MLLT3: variants seen among roughly 807,000 people sequenced by gnomAD.
The protein encoded by MLLT3 is MLLT3 super elongation complex subunit.
Under a neutral mutation model 53.2 loss-of-function variants are expected in MLLT3, and 4 were observed. The observed-to-expected ratio is 0.08, with a 90% confidence interval of 0.04 to 0.17. The LOEUF is 0.17. MLLT3 is among the 10% of genes least tolerant of loss of function. The probability of loss-of-function intolerance (pLI) is 1.00; values close to 1 mark genes in which losing one functional copy is unlikely to be tolerated. For missense variants in MLLT3, 569 were observed against 684.0 expected, an observed-to-expected ratio of 0.83 and a Z score of 1.87; for synonymous variants, 283 against 230.6, an observed-to-expected ratio of 1.23 and a Z score of -2.06.
intron 2 of MLLT3, among the ~76,000 whole-genome samples, chr9:20,469,293 A>T (rs1390409657): frequency 6.6e-6 from 1 of 152,180 alleles, no homozygotes; most frequent in African/African-American, 2.4e-5. Context: ...GAGAAATATC[A>T]TGCCTTTAAA....
chr9:20,549,519 C>G (rs1257486632), intron 2 of MLLT3, among the ~76,000 whole-genome samples: 1 of 152,136 alleles, frequency 6.6e-6, no homozygotes, highest in African/African-American at 2.4e-5. Context: ...TTAATCTGCC[C>G]AACAACTCTA....
intron 2 of MLLT3, among the ~76,000 whole-genome samples, chr9:20,506,175 C>A (rs1825375768): frequency 6.6e-6 from 1 of 151,996 alleles, no homozygotes; most frequent in Non-Finnish European, 1.5e-5. Context: ...CTGTCTCAGT[C>A]CCCCAAGTAG....
At chr9:20,429,113 T>C (rs1316072772) in intron 4 of MLLT3, among the ~76,000 whole-genome samples, 1 of 152,132 alleles carries the variant, frequency 6.6e-6, no homozygotes, top group African/African-American at 2.4e-5. Context: ...CTGTAATCCC[T>C]GTGGTTTTAG....
At chr9:20,366,423 T>G (rs1439479869) in intron 5 of MLLT3, among the ~76,000 whole-genome samples, 1 of 152,064 alleles carries the variant, frequency 6.6e-6, no homozygotes. Context: ...ATGTGCCACA[T>G]GTTCTTTATC....
At chr9:20,533,112 GA>G in intron 2 of MLLT3, 1 of 256,400 alleles carries the variant, frequency 3.9e-6, no homozygotes, top group Non-Finnish European at 7.8e-6. Flanking sequence ...TTACCAAGGA[GA>G]AGGCAAGTCT....
chr9:20,562,469 T>C (rs1184528389), intron 2 of MLLT3, among the ~76,000 whole-genome samples: 1 of 152,108 alleles, frequency 6.6e-6, no homozygotes, highest in Non-Finnish European at 1.5e-5. Context: ...CAGATTTTAA[T>C]AAACTACTTC....
chr9:20,384,490 C>G (rs1298116974), intron 5 of MLLT3, among the ~76,000 whole-genome samples: 1 of 152,074 alleles, frequency 6.6e-6, no homozygotes, highest in Non-Finnish European at 1.5e-5. Context: ...TTAATGTACT[C>G]ATTTCCTAAG....
At chr9:20,494,859 T>A (rs1006909287) in intron 2 of MLLT3, among the ~76,000 whole-genome samples, 89 of 152,302 alleles carry the variant, frequency 5.8e-4, no homozygotes, top group African/African-American at 1.9e-3. Context: ...TTTTATTAAT[T>A]TTACAGGTAC....
At position 20,534,730 on chromosome 9, in the gene MLLT3, C is replaced by CA. The variant is rs572752915; in HGVS notation, c.194-77945dup. Among the ~76,000 whole-genome samples, 368 of 151,896 alleles carry CA rather than the reference C, an allele frequency of 2.4e-3. 1 individual carries two copies. Among genetic ancestry groups the CA allele is most frequent in the African/African-American group, 8.4e-3 (349 of 41,444 alleles). ...TGAAACCCTGTCTCTACTAAAAATA[C>CA]AAAAAATTAGCTGGGCGTGGTGGCA... On this transcript the variant is annotated intron_variant, in intron 2 of 10. Transcript: ENST00000380338.
In MLLT3 at chr9:20,467,035, T is replaced by G. The variant is rs148931874; in HGVS notation, c.194-10249A>C. ...AGAGTATATATGAAACATTCCACAG[T>G]AGAGCAACTGAATTAGGTATTTCTT... On this transcript the variant is annotated intron_variant, in intron 2 of 10. Transcript: ENST00000380338. 7.0e-4 allele frequency among the ~76,000 whole-genome samples: 106 copies of G among 152,276 alleles called. 1 individual carries two copies. The highest frequency in any genetic ancestry group is 6.8e-3 in the Middle Eastern group (2 of 294).
chr9:20,446,682 G>A (rs1455757847), intron 4 of MLLT3, among the ~76,000 whole-genome samples: 1 of 152,102 alleles, frequency 6.6e-6, no homozygotes, highest in Non-Finnish European at 1.5e-5. Flanking sequence ...ATTTTAAATG[G>A]ACCAGTTAGT....
At chr9:20,352,901 G>A (rs765062485) in intron 10 of MLLT3, among the ~76,000 whole-genome samples, 9 of 152,146 alleles carry the variant, frequency 5.9e-5, no homozygotes, top group Middle Eastern at 3.4e-3. Flanking sequence ...TGCTGGTAGT[G>A]CAACAGAGGC....
chr9:20,367,114 C>T (rs986127967), intron 5 of MLLT3, among the ~76,000 whole-genome samples: 4 of 152,144 alleles, frequency 2.6e-5, no homozygotes, highest in African/African-American at 9.7e-5. Context: ...TTTGTAAATT[C>T]TCTTTAATTC....
intron 2 of MLLT3, among the ~76,000 whole-genome samples, chr9:20,614,088 T>C (rs1820765196): frequency 2.0e-5 from 3 of 152,232 alleles, no homozygotes; most frequent in Non-Finnish European, 4.4e-5. Context: ...CTGTGCTTTA[T>C]CTCCAGCTCT....
At chr9:20,407,056 A>T (rs1320690297) in intron 5 of MLLT3, among the ~76,000 whole-genome samples, 2 of 152,122 alleles carry the variant, frequency 1.3e-5, no homozygotes, top group Non-Finnish European at 2.9e-5. Context: ...CCCTCTGTCT[A>T]CTCCTACCAT....
In MLLT3 at chr9:20,594,995, T is replaced by G. The variant is rs535426930; in HGVS notation, c.193+25659A>C. Among the ~76,000 whole-genome samples the G allele has an allele frequency of 3.3e-5, 5 of 152,220 alleles. No homozygotes were observed. The South Asian group carries it at 1.0e-3, about 32-fold the overall frequency. On this transcript the variant is annotated intron_variant, in intron 2 of 10. Coordinates refer to ENST00000380338, the MANE Select transcript of MLLT3 (RefSeq NM_004529.4). Reference sequence around the variant, plus strand: ...GCAGCTCATACTGCTGCTCTGCCTATGGAGTAGCCATTCTTTTGTTTCTTT... The same window carrying G: ...GCAGCTCATACTGCTGCTCTGCCTAGGGAGTAGCCATTCTTTTGTTTCTTT...
intron 2 of MLLT3, among the ~76,000 whole-genome samples, chr9:20,583,245 G>C (rs150409794): frequency 2.0e-5 from 3 of 152,154 alleles, no homozygotes; most frequent in Admixed American, 6.5e-5. Context: ...CTGATACCAA[G>C]AGGTGGGTTC....
intron 5 of MLLT3, among the ~76,000 whole-genome samples, chr9:20,397,448 G>A (rs554225513): frequency 7.2e-5 from 11 of 152,190 alleles, no homozygotes; most frequent in African/African-American, 2.4e-4. Flanking sequence ...CTTTTCAGGC[G>A]ATTGGAGAGA....
At chr9:20,582,614 G>A (rs1819823777) in intron 2 of MLLT3, among the ~76,000 whole-genome samples, 1 of 152,152 alleles carries the variant, frequency 6.6e-6, no homozygotes. Context: ...GGTTTAATTG[G>A]ACTTACAGTT....
Sources: gnomAD v4.1 joint callset for allele counts (sites outside exome capture counted in the v4.1 genomes callset) on GRCh38, gnomAD v4.1.1 for gene constraint, MANE v1.5 for transcripts, NCBI Gene and HGNC (gene_info 2026-07-23, HGNC 2026-07-21) for gene names.